Variants in IAH1 observed in about 807,000 individuals in gnomAD.
IAH1 encodes the protein isoamyl acetate-hydrolyzing esterase 1 homolog.
A neutral mutation model predicts 26.7 loss-of-function variants in IAH1; 24 were observed. The observed-to-expected ratio is 0.90, with a 90% CI of 0.65 to 1.26. IAH1 has a LOEUF of 1.26. IAH1 is among the 50% of genes most tolerant of loss of function. The pLI, the probability that IAH1 is intolerant of heterozygous loss-of-function variation, is 0.00. For synonymous variants in IAH1, 140 were observed against 118.5 expected (o/e 1.18, Z -1.18); for missense variants, 300 against 299.9 (o/e 1.00, Z 0.00).
chr2:9,487,825 TGTGTGTGTGCGCGCGCGC>T (rs1309355937), intron 5 of IAH1, among the ~76,000 whole-genome samples: 42 of 106,194 alleles, frequency 4.0e-4, no homozygotes, highest in Middle Eastern at 5.5e-3. Flanking sequence ...TGTGTGTGTG[TGTGTGTGTGCGCGCGCGC>T]GCGCGCGCTG....
chr2:9,502,109 T>G, the IAH1 span: 10 of 1,397,336 alleles, frequency 7.2e-6, no homozygotes, highest in Non-Finnish European at 1.0e-5. Context: ...AACATAATCT[T>G]GTTTTTCAAA....
intron 2 of IAH1, among the ~76,000 whole-genome samples, chr2:9,476,416 C>T (rs552505406): frequency 1.3e-5 from 2 of 152,214 alleles, no homozygotes; most frequent in Non-Finnish European, 2.9e-5. Context: ...ACTTAAGACT[C>T]ACCTTGTCAC....
At position 9,475,977 on chromosome 2, in the gene IAH1, C is replaced by T; in HGVS notation, c.82-10C>T. The T allele has an allele frequency of 1.2e-6, 2 of 1,613,114 alleles. No individual in the cohort carries two copies. The highest frequency in any genetic ancestry group is 1.7e-6 in the Non-Finnish European group (2 of 1,179,466). ...TCATTAGTAGTAATAATGGGCTTTT[C>T]TTCCTCCAGTTTTCCTTCCAGCAGG... is the stretch of plus-strand genomic sequence containing the variant. On this transcript the variant is annotated splice_polypyrimidine_tract_variant and intron_variant, in intron 1 of 5. Transcript: ENST00000497473.
In IAH1 at chr2:9,475,050, C is replaced by G. The variant is rs62120284; in HGVS notation, c.81+403C>G. The G allele has an allele frequency of 5.2e-5, 61 of 1,162,522 alleles. 1 individual carries two copies. Among genetic ancestry groups the G allele is most frequent in the Non-Finnish European group, 6.2e-5 (57 of 922,188 alleles). 72.0% of individuals were successfully genotyped at this position (1,162,522 alleles called of 1,614,324 possible). Reference sequence around the variant, plus strand: ...TCCCAGGAGGCCCCGCGGCCAGCTCCGGGCAGAGGCGCCAGGAGCTCTCTC... The same window carrying G: ...TCCCAGGAGGCCCCGCGGCCAGCTCGGGGCAGAGGCGCCAGGAGCTCTCTC... On this transcript the variant is annotated intron_variant, in intron 1 of 5. Coordinates refer to ENST00000497473, the MANE Select transcript of IAH1 (RefSeq NM_001039613.3).
chr2:9,482,032 C>CT lies in IAH1; in HGVS notation c.445+601dup, dbSNP rs58813442. ...TGAAAATGTGCATTATGGAAGTTCT[C>CT]TTTTTTTTTTTTTTTTGGAGATAGA... On this transcript the variant is annotated intron_variant, in intron 4 of 5. Transcript: ENST00000497473. Among the ~76,000 whole-genome samples the CT allele has an allele frequency of 4.3e-3, 573 of 134,612 alleles. 15 individuals are homozygous for CT. Among genetic ancestry groups the CT allele is most frequent in the East Asian group, 0.014 (68 of 4,832 alleles). The allele number at this position is 134,612 out of a possible 152,430, so 88.3% of individuals were successfully genotyped here.
downstream of IAH1, chr2:9,497,334 A>G: frequency 6.5e-7 from 1 of 1,549,044 alleles, no homozygotes; most frequent in Non-Finnish European, 8.7e-7. Context: ...TTCTCATACA[A>G]GTGAGCATCT....
rs1185873212 is a variant in IAH1, at chr2:9,474,880, G to T, written c.81+233G>T. On this transcript the variant is annotated intron_variant, in intron 1 of 5. Coordinates refer to ENST00000497473, the MANE Select transcript of IAH1 (RefSeq NM_001039613.3). This position sits in a 1 kb window ranked among gnomAD's most constrained non-coding sequence, Gnocchi z 4.3. ...CGCGAGAGCCCGGGCTCCAGGCACA[G>T]ACGCGAGGGGACCCGGCCGCGCTGC... 2 of 545,150 alleles carry T rather than the reference G, an allele frequency of 3.7e-6. No homozygotes were observed. The highest frequency in any genetic ancestry group is 5.4e-6 in the Non-Finnish European group (2 of 373,096). 33.8% of individuals were successfully genotyped at this position (545,150 alleles called of 1,614,324 possible). A position where few individuals can be genotyped will look rare whatever the true frequency, so the allele number is the denominator to read the frequency against.
downstream of IAH1, chr2:9,497,101 T>A: frequency 1.2e-6 from 2 of 1,612,538 alleles, no homozygotes; most frequent in East Asian, 4.5e-5. Flanking sequence ...GGACTGGGAA[T>A]AAAACTGCTC....
downstream of IAH1, among the ~76,000 whole-genome samples, chr2:9,492,178 C>T (rs928691855): frequency 3.9e-5 from 6 of 152,192 alleles, no homozygotes; most frequent in African/African-American, 7.2e-5. Context: ...AGGAAGGCCA[C>T]TATGAAAGAG....
chr2:9,478,378 C>G lies in IAH1; in HGVS notation c.283+8C>G. On this transcript the variant is annotated splice_region_variant and intron_variant, in intron 3 of 5. Transcript: ENST00000497473. ...ATGACAGTGCACTAAAAGGTAAAAG[C>G]ATTTTTGATGTTCTTCTAGCTCACT... The G allele has an allele frequency of 1.3e-6, 2 of 1,581,214 alleles. No homozygotes were observed. The highest frequency in any genetic ancestry group is 1.7e-6 in the Non-Finnish European group (2 of 1,163,096).
chr2:9,488,237 A>C lies in IAH1; in HGVS notation c.655A>C (p.Lys219Gln). ...GCATCTCTGGCCTTTGATAGAGAAA[A>C]AGGTCTCTTCTCTACCTTTGCTGCT... ...FSHLWPLIEKKVSSLPLLLPY... is the reference protein window; with the variant it reads ...FSHLWPLIEKQVSSLPLLLPY... The change falls in exon 6 of 6, where the codon AAG becomes CAG. Residue 219 changes from lysine (K) to glutamine (Q), a missense_variant. Transcript: ENST00000497473. The C allele has an allele frequency of 6.2e-7, 1 of 1,613,748 alleles. No individual in the cohort carries two copies. The highest frequency in any genetic ancestry group is 1.1e-5 in the South Asian group (1 of 91,038).
chr2:9,494,980 A>G (rs557673826), intron 6 of IAH1: 10 of 429,112 alleles, frequency 2.3e-5, no homozygotes, highest in African/African-American at 1.6e-4. Context: ...AGGTTTAAAA[A>G]AAAATGCAGA....
intron 1 of IAH1, chr2:9,475,261 G>C: frequency 4.1e-6 from 5 of 1,210,002 alleles, no homozygotes; most frequent in Non-Finnish European, 5.5e-6. Context: ...TCCTGTGTGT[G>C]TCCTCTTCTC....
In IAH1 at chr2:9,488,905, A is replaced by AG. The variant is rs1317799166; in HGVS notation, c.*580dup. 1 of 152,232 alleles carries AG rather than the reference A, an allele frequency of 6.6e-6. No homozygotes were observed. Among genetic ancestry groups the AG allele is most frequent in the South Asian group, 2.1e-4 (1 of 4,834 alleles). 9.4% of individuals were successfully genotyped at this position (152,232 alleles called of 1,614,324 possible). ...GGCTGGTGAGCACATTTCAGTTCTT[A>AG]GGGGAAAAAAAGCTTTTAATGGCAA... On this transcript the variant is annotated 3_prime_UTR_variant, in exon 6 of 6. Coordinates refer to ENST00000497473, the MANE Select transcript of IAH1 (RefSeq NM_001039613.3).
chr2:9,482,032 C>CTTTT (rs58813442), intron 4 of IAH1, among the ~76,000 whole-genome samples: 18,163 of 134,416 alleles, frequency 0.14, 1,569 homozygotes, highest in Middle Eastern at 0.26. Flanking sequence ...TGGAAGTTCT[C>CTTTT]TTTTTTTTTT....
At chr2:9,476,709 C>T (rs1023872225) in intron 2 of IAH1, among the ~76,000 whole-genome samples, 3 of 152,132 alleles carry the variant, frequency 2.0e-5, no homozygotes, top group Non-Finnish European at 4.4e-5. Context: ...GCTCCTGAGA[C>T]TCATTGTCCA....
intron 4 of IAH1, 32 bp from the exon 5 acceptor site, chr2:9,484,400 C>G (rs1021086450): frequency 1.3e-6 from 2 of 1,549,738 alleles, no homozygotes; most frequent in Non-Finnish European, 1.8e-6. Context: ...TTGGGTTTAC[C>G]AACTGCCACC....
At chr2:9,490,027 A>AAGAACTGTTTACCT, downstream of IAH1, 2 of 718,334 alleles carry the variant, frequency 2.8e-6, no homozygotes, top group Non-Finnish European at 4.4e-6. Context: ...CAAACCACAC[A>AAGAACTGTTTACCT]AGAACTGTTT....
rs764140725 is a variant in IAH1 at position 9,476,040 on chromosome 2, G to C, written c.134+1G>C. The C allele has an allele frequency of 6.2e-7, 1 of 1,612,812 alleles. No homozygotes were observed. The highest frequency in any genetic ancestry group is 1.7e-5 in the Admixed American group (1 of 59,990). ...CATCGCTGGCTGACAGGCTGGTCAG[G>C]TGAGAATGGTTTCCGATACTTGAGT... On this transcript the variant is annotated splice_donor_variant, in intron 2 of 5. Transcript: ENST00000497473. LOFTEE classifies it high-confidence loss of function.
Sources: allele counts gnomAD v4.1 joint callset (sites outside exome capture counted in the v4.1 genomes callset), GRCh38; gene constraint gnomAD v4.1.1; non-coding constraint Gnocchi (gnomAD v3.1); transcripts MANE v1.5; gene names NCBI Gene and HGNC (gene_info 2026-07-23, HGNC 2026-07-21).